TEX10: variants seen among roughly 807,000 people sequenced by gnomAD.
TEX10 encodes testis expressed 10, also known as testis-expressed protein 10.
In TEX10, 24 loss-of-function variants were observed where a neutral mutation model predicts 104.4. The ratio of observed to expected loss-of-function variants is 0.23; its 90% CI spans 0.17 to 0.32. The LOEUF (loss-of-function observed/expected upper bound fraction) is 0.32. TEX10 is among the 10% of genes least tolerant of loss of function. The pLI is 1.00. For missense variants in TEX10, 921 were observed against 1,083.9 expected (o/e 0.85, Z 2.11); for synonymous variants, 396 against 393.4 (o/e 1.01, Z -0.08).
intron 9 of TEX10, among the ~76,000 whole-genome samples, chr9:100,323,706 T>C (rs1002296554): frequency 6.6e-6 from 1 of 152,220 alleles, no homozygotes; most frequent in Non-Finnish European, 1.5e-5. Flanking sequence ...CATGGAATCC[T>C]TGCTTAGGTG....
intron 11 of TEX10, among the ~76,000 whole-genome samples, chr9:100,311,911 G>A (rs1834291871): frequency 6.6e-6 from 1 of 152,138 alleles, no homozygotes; most frequent in African/African-American, 2.4e-5. Flanking sequence ...TTAAGTTCAA[G>A]AGAGCTGTCA....
chr9:100,348,068 C>T (rs750165181), intron 2 of TEX10, among the ~76,000 whole-genome samples: 3 of 152,128 alleles, frequency 2.0e-5, no homozygotes, highest in Non-Finnish European at 4.4e-5. Flanking sequence ...AAATACAATT[C>T]GACAATACAA....
chr9:100,332,341 A>G (rs1834884219), intron 5 of TEX10, among the ~76,000 whole-genome samples: 1 of 152,352 alleles, frequency 6.6e-6, no homozygotes, highest in East Asian at 1.9e-4. Context: ...TATCTCAGGC[A>G]GCATAATCTA....
intron 8 of TEX10, among the ~76,000 whole-genome samples, chr9:100,327,429 A>C (rs1416320038): frequency 6.6e-6 from 1 of 151,238 alleles, no homozygotes; most frequent in Non-Finnish European, 1.5e-5. Flanking sequence ...AGATGAACAA[A>C]GAATATATGA....
chr9:100,343,234 C>T (rs967123164), intron 4 of TEX10, among the ~76,000 whole-genome samples: 3 of 147,036 alleles, frequency 2.0e-5, no homozygotes, highest in South Asian at 2.2e-4. Context: ...AACATGTGCA[C>T]AAAATGTTAG....
intron 10 of TEX10, among the ~76,000 whole-genome samples, chr9:100,320,908 C>T (rs554729149): frequency 7.2e-5 from 11 of 152,196 alleles, no homozygotes; most frequent in Non-Finnish European, 1.3e-4. Context: ...TTACACTTGG[C>T]CTAACCTACA....
intron 5 of TEX10, among the ~76,000 whole-genome samples, chr9:100,336,863 G>A (rs565959125): frequency 1.6e-4 from 24 of 152,280 alleles, no homozygotes; most frequent in Middle Eastern, 6.8e-3. Flanking sequence ...CTTAAGAGTA[G>A]CCTGTAGGCT....
In TEX10 at chr9:100,328,070, T is replaced by C. The variant is rs1451510414; in HGVS notation, c.1626-108A>G. ...CTTAAATATATCACAAAGTGACTAA[T>C]TATGTATCAATAATACCACATTTAT... On this transcript the variant is annotated intron_variant, in intron 7 of 14. Transcript: ENST00000374902. The C allele has an allele frequency of 3.4e-4, 277 of 813,648 alleles. 1 individual carries two copies. Among genetic ancestry groups the C allele is most frequent in the Non-Finnish European group, 3.3e-5 (19 of 576,286 alleles). The allele number at this position is 813,648 out of a possible 1,614,324, so 50.4% of individuals were successfully genotyped here.
At chr9:100,329,347 C>T (rs1368944114) in intron 6 of TEX10, 72 bp from the exon 7 acceptor site, 14 of 1,544,170 alleles carry the variant, frequency 9.1e-6, no homozygotes, top group South Asian at 8.5e-5. Context: ...CCTCTGAATG[C>T]ACCGAAGTAC....
intron 9 of TEX10, 29 bp downstream of exon 9, chr9:100,326,273 T>A (rs757105632): frequency 6.2e-7 from 1 of 1,605,450 alleles, no homozygotes; most frequent in South Asian, 1.1e-5. Flanking sequence ...GATTATACAC[T>A]TAAAATACAG....
intron 5 of TEX10, among the ~76,000 whole-genome samples, chr9:100,334,642 G>A (rs561932020): frequency 1.3e-4 from 20 of 150,632 alleles, no homozygotes; most frequent in African/African-American, 4.6e-4. Context: ...TTGTTTTCCT[G>A]GAACTGATAG....
At chr9:100,330,590 G>T (rs1165653463) in intron 5 of TEX10, among the ~76,000 whole-genome samples, 1 of 152,086 alleles carries the variant, frequency 6.6e-6, no homozygotes, top group Non-Finnish European at 1.5e-5. Flanking sequence ...GTCTTTCCTG[G>T]CCATAACTTT....
At chr9:100,303,489 T>A in intron 14 of TEX10, 143 bp downstream of exon 14, 1 of 680,210 alleles carries the variant, frequency 1.5e-6, no homozygotes. Flanking sequence ...CGGGAGACCC[T>A]GAGAAACTAC....
Position 100,327,821 on chromosome 9 carries a change from T to C in TEX10, c.1767A>G (p.Leu589=). ...GGAGGGCAGTAGCTTGTAAACTTTTTAGTAATTCTTTATTTGCTCGTGCTG... is the reference window on the plus strand; with the variant it reads ...GGAGGGCAGTAGCTTGTAAACTTTTCAGTAATTCTTTATTTGCTCGTGCTG... ...TAAARANKEL[L]KSLQATALRI... Residue 589 remains leucine (L), a synonymous_variant, in exon 8 of 15, where the codon CTA becomes CTG. Coordinates refer to ENST00000374902, the MANE Select transcript of TEX10 (RefSeq NM_017746.4). 1 of 1,596,210 alleles carries C rather than the reference T, an allele frequency of 6.3e-7. No homozygotes were observed. The highest frequency in any genetic ancestry group is 1.1e-5 in the South Asian group (1 of 87,984).
At chr9:100,326,211 G>T in intron 9 of TEX10, 91 bp downstream of exon 9, 1 of 1,369,404 alleles carries the variant, frequency 7.3e-7, no homozygotes, top group Non-Finnish European at 9.9e-7. Context: ...AGTAGTGTAT[G>T]CGACTTCAAA....
chr9:100,302,688 C>A (rs371403895), intron 14 of TEX10, among the ~76,000 whole-genome samples: 197 of 152,282 alleles, frequency 1.3e-3, no homozygotes, highest in African/African-American at 4.5e-3. Flanking sequence ...TTCTGTCAAT[C>A]TCTTCTTTAC....
Position 100,349,230 on chromosome 9 carries a change from T to C in TEX10, c.134A>G (p.Lys45Arg), listed in dbSNP as rs1329321375. 1.3e-6 allele frequency: 2 copies of C among 1,588,018 alleles called. No individual in the cohort carries two copies. Among genetic ancestry groups the C allele is most frequent in the South Asian group, 1.2e-5 (1 of 83,442 alleles). Residue 45 changes from lysine (K) to arginine (R), a missense_variant, in exon 2 of 15, where the codon AAA becomes AGA. Coordinates refer to ENST00000374902, the MANE Select transcript of TEX10 (RefSeq NM_017746.4). ...GTTTGTTGGAAGTGTTCCATCCTCT[T>C]TGAGTTGCTCAGGCAGATGTATAGT... ...TKTIHLPEQLKEDGTLPTNNR... is the reference protein window; with the variant it reads ...TKTIHLPEQLREDGTLPTNNR...
chr9:100,339,245 CAAAAAAAAAAAAAAAAA>C (rs1182764934), intron 5 of TEX10, among the ~76,000 whole-genome samples: 4 of 29,412 alleles, frequency 1.4e-4, no homozygotes, highest in Non-Finnish European at 2.3e-4. Flanking sequence ...GACTCCATCT[CAAAAAAAAAAAAAAAAA>C]AAAAAAAAAA....
At chr9:100,322,835 C>G (rs1834604209) in intron 9 of TEX10, among the ~76,000 whole-genome samples, 1 of 152,092 alleles carries the variant, frequency 6.6e-6, no homozygotes. Flanking sequence ...AGGCTGGTCT[C>G]AAACCCTTGA....
Sources: allele counts gnomAD v4.1 joint callset (sites outside exome capture counted in the v4.1 genomes callset), GRCh38; gene constraint gnomAD v4.1.1; transcripts MANE v1.5; gene names NCBI Gene and HGNC (gene_info 2026-07-23, HGNC 2026-07-21).